RHOBTB1: variants seen among roughly 807,000 people sequenced by gnomAD.
RHOBTB1 encodes the protein rho-related BTB domain-containing protein 1.
Under a neutral mutation model 71.6 loss-of-function variants are expected in RHOBTB1, and 40 were observed. The observed-to-expected ratio is 0.56, with a 90% confidence interval of 0.43 to 0.73. RHOBTB1 has a LOEUF of 0.73. RHOBTB1 is among the 30% of genes least tolerant of loss of function. RHOBTB1 has a pLI of 0.00. For synonymous variants in RHOBTB1, 319 were observed against 334.9 expected (o/e 0.95, Z 0.52); for missense variants, 797 against 894.0 (o/e 0.89, Z 1.38).
chr10:60,984,318 T>C (rs1589458697), intron 2 of RHOBTB1, among the ~76,000 whole-genome samples: 1 of 152,248 alleles, frequency 6.6e-6, no homozygotes, highest in Admixed American at 6.5e-5. Context: ...AAATTTAAAC[T>C]AAAAAAATAA....
intron 2 of RHOBTB1, among the ~76,000 whole-genome samples, chr10:60,981,568 G>T (rs2086496625): frequency 6.6e-6 from 1 of 152,088 alleles, no homozygotes; most frequent in Non-Finnish European, 1.5e-5. Context: ...AAACTATTTT[G>T]ATGCATTCAA....
downstream of RHOBTB1, among the ~76,000 whole-genome samples, chr10:60,867,224 A>T (rs775802283): frequency 6.6e-6 from 1 of 152,190 alleles, no homozygotes; most frequent in Non-Finnish European, 1.5e-5. Context: ...CCTAACTGGG[A>T]CTACCATGAA....
chr10:60,977,496 TG>T (rs567216348), intron 2 of RHOBTB1, among the ~76,000 whole-genome samples: 19 of 152,108 alleles, frequency 1.2e-4, no homozygotes, highest in Non-Finnish European at 2.2e-4. Flanking sequence ...CCAAAAAAGA[TG>T]TCTCATGATC....
At chr10:60,885,980 C>A (rs543104847) in intron 7 of RHOBTB1, 132 bp downstream of exon 7, 8 of 712,814 alleles carry the variant, frequency 1.1e-5, no homozygotes, top group Middle Eastern at 2.5e-4. Context: ...ATGATTATGA[C>A]TAACAGTATG....
At chr10:60,927,226 A>T (rs1283275993) in intron 2 of RHOBTB1, among the ~76,000 whole-genome samples, 2 of 152,150 alleles carry the variant, frequency 1.3e-5, no homozygotes, top group African/African-American at 4.8e-5. Context: ...ATGGAAAGAT[A>T]CTCCATGTTC....
chr10:60,939,393 T>TA (rs140624870), intron 2 of RHOBTB1, among the ~76,000 whole-genome samples: 2,006 of 152,190 alleles, frequency 0.013, 50 homozygotes, highest in African/African-American at 0.045. Context: ...AAACTAAAAA[T>TA]AAAAAAATTA....
At chr10:60,866,523 T>C (rs1320885883), downstream of RHOBTB1, among the ~76,000 whole-genome samples, 1 of 152,076 alleles carries the variant, frequency 6.6e-6, no homozygotes, top group African/African-American at 2.4e-5. Flanking sequence ...TGACTGAGGA[T>C]GACAATGTGA....
intron 1 of RHOBTB1, among the ~76,000 whole-genome samples, chr10:60,996,495 C>T (rs186039756): frequency 5.9e-5 from 9 of 152,282 alleles, no homozygotes; most frequent in Admixed American, 5.9e-4. Flanking sequence ...GAATTTGCCT[C>T]GCTGTCCACC....
intron 2 of RHOBTB1, among the ~76,000 whole-genome samples, chr10:60,925,430 A>G (rs1000409534): frequency 1.3e-5 from 2 of 152,196 alleles, no homozygotes; most frequent in African/African-American, 2.4e-5. Flanking sequence ...ACACTGCACA[A>G]ATGGTACTCA....
rs2081719834 is a variant in RHOBTB1 at position 60,888,521 on chromosome 10, T to C, written c.1147A>G (p.Arg383Gly). The C allele has an allele frequency of 3.1e-6, 5 of 1,614,166 alleles. No individual in the cohort carries two copies. In the South Asian group the frequency reaches 3.3e-5, roughly 11 times the overall value. ...GWSKGFIGMH[R>G]EMQVNPISKR... ...GAAATGGGGTTGACTTGCATTTCCC[T>C]GTGCATGCCAATGAACCCCTTACTC... Residue 383 changes from arginine to glycine, a missense_variant, in exon 6 of 11, where the codon AGG becomes GGG. By Grantham distance (125) the Arg-to-Gly change is moderately radical (BLOSUM62 -2). Transcript: ENST00000337910.
At chr10:60,894,129 C>T (rs1031067624) in intron 4 of RHOBTB1, among the ~76,000 whole-genome samples, 3 of 152,176 alleles carry the variant, frequency 2.0e-5, no homozygotes, top group African/African-American at 4.8e-5. Context: ...GCTTCCCCCC[C>T]TACATATCAA....
Position 60,881,284 on chromosome 10 carries a change from T to C in RHOBTB1, c.1576-3226A>G, listed in dbSNP as rs150613952. ...TACCCTATCTCTGGTATGTCTTCAT[T>C]AGCAGCATGAAAATGGACTAATACA... On this transcript the variant is annotated intron_variant, in intron 7 of 10. Coordinates refer to ENST00000337910, the MANE Select transcript of RHOBTB1 (RefSeq NM_014836.5). Among the ~76,000 whole-genome samples the C allele has an allele frequency of 1.1e-3, 163 of 152,334 alleles. 1 individual carries two copies. The highest frequency in any genetic ancestry group is 3.8e-3 in the African/African-American group (156 of 41,586).
intron 2 of RHOBTB1, among the ~76,000 whole-genome samples, chr10:60,937,638 C>T (rs559950876): frequency 2.2e-4 from 34 of 152,268 alleles, no homozygotes; most frequent in African/African-American, 7.0e-4. Context: ...TAATTCAATG[C>T]AAGTAAACTT....
intron 2 of RHOBTB1, among the ~76,000 whole-genome samples, chr10:60,958,650 C>T (rs989926084): frequency 2.6e-5 from 4 of 152,142 alleles, no homozygotes; most frequent in Admixed American, 1.3e-4. Context: ...GTTGCCCATG[C>T]TGGAGTACAG....
rs76645904 is a variant in RHOBTB1 at position 60,892,775 on chromosome 10, G to A, written c.482+35C>T. 2.1e-3 allele frequency: 3,279 copies of A among 1,577,160 alleles called. 61 individuals are homozygous for A. The African/African-American group carries it at 0.04, about 19-fold the overall frequency. The stretch of plus-strand genomic sequence containing the variant: ...CCTGCTGCCTGTAAATTTTAACTTG[G>A]TCAGGACAGGGAAACACTGAGTCCC... On this transcript the variant is annotated intron_variant, in intron 5 of 10. Coordinates refer to ENST00000337910, the MANE Select transcript of RHOBTB1 (RefSeq NM_014836.5).
downstream of RHOBTB1, chr10:60,869,288 TACAAAAATG>T (rs2080671385): frequency 6.6e-6 from 1 of 152,096 alleles, no homozygotes; most frequent in Non-Finnish European, 1.5e-5. Context: ...CAATACCCAA[TACAAAAATG>T]ACAAGTCATT....
intron 2 of RHOBTB1, among the ~76,000 whole-genome samples, chr10:60,940,206 T>C (rs993970633): frequency 3.3e-5 from 5 of 152,300 alleles, no homozygotes; most frequent in African/African-American, 9.6e-5. Context: ...AGCTATTAGC[T>C]TGAGTGGGGG....
chr10:60,900,315 G>C (rs766175071), intron 4 of RHOBTB1, among the ~76,000 whole-genome samples: 1 of 152,092 alleles, frequency 6.6e-6, no homozygotes, highest in Non-Finnish European at 1.5e-5. Flanking sequence ...GCTGAGCCTG[G>C]GAGGGGTCCC....
chr10:60,957,988 G>T (rs2085652383), intron 2 of RHOBTB1, among the ~76,000 whole-genome samples: 1 of 152,178 alleles, frequency 6.6e-6, no homozygotes, highest in Non-Finnish European at 1.5e-5. Flanking sequence ...ATGACTTACT[G>T]TGAGCAGACA....
Sources: gnomAD v4.1 joint callset for allele counts (sites outside exome capture counted in the v4.1 genomes callset) on GRCh38, gnomAD v4.1.1 for gene constraint, MANE v1.5 for transcripts, NCBI Gene and HGNC (gene_info 2026-07-23, HGNC 2026-07-21) for gene names.